PPARG: variants seen among roughly 807,000 people sequenced by gnomAD.
PPARG encodes peroxisome proliferator activated receptor gamma.
In PPARG, 17 loss-of-function variants were observed where a neutral mutation model predicts 39.2. The ratio of observed to expected loss-of-function variants is 0.43; its 90% confidence interval spans 0.30 to 0.65. PPARG has a LOEUF of 0.65. PPARG is among the 30% of genes least tolerant of loss of function. The probability of loss-of-function intolerance (pLI) is 0.13; values close to 1 mark genes in which losing one functional copy is unlikely to be tolerated. For synonymous variants in PPARG, 223 were observed against 215.7 expected (o/e 1.03, Z -0.30); for missense variants, 406 against 585.9 (o/e 0.69, Z 3.17).
chr3:12,327,280 G>A (rs143109781), intron 2 of PPARG, among the ~76,000 whole-genome samples: 1 of 152,158 alleles, frequency 6.6e-6, no homozygotes, highest in Non-Finnish European at 1.5e-5. Context: ...TCTTCTGGAC[G>A]TAGAGTTTTC....
chr3:12,372,124 G>A (rs1235933686), intron 2 of PPARG: 23 of 720,070 alleles, frequency 3.2e-5, no homozygotes, highest in Non-Finnish European at 4.9e-5. Context: ...ACGTACTCTT[G>A]TTGCCTAGCT....
At chr3:12,314,742 G>A (rs1338127906) in intron 2 of PPARG, among the ~76,000 whole-genome samples, 1 of 152,090 alleles carries the variant, frequency 6.6e-6, no homozygotes, top group Non-Finnish European at 1.5e-5. Flanking sequence ...AGCTGAAAAG[G>A]GACGTTAGTA....
At chr3:12,294,951 G>T (rs1361124767) in intron 1 of PPARG, among the ~76,000 whole-genome samples, 2 of 152,112 alleles carry the variant, frequency 1.3e-5, no homozygotes, top group Non-Finnish European at 2.9e-5. Context: ...AAAATAGTAT[G>T]GCAAGCCAGT....
At chr3:12,307,535 A>G (rs1176752933) in intron 1 of PPARG, among the ~76,000 whole-genome samples, 1 of 152,224 alleles carries the variant, frequency 6.6e-6, no homozygotes, top group Admixed American at 6.5e-5. Flanking sequence ...ACTAGTCAAG[A>G]AAAGCAGAAG....
intron 2 of PPARG, among the ~76,000 whole-genome samples, chr3:12,330,671 C>T (rs1236319478): frequency 1.3e-5 from 2 of 152,212 alleles, no homozygotes; most frequent in African/African-American, 4.8e-5. Context: ...GAATCTGTCT[C>T]TCTTCAACTG....
At chr3:12,292,377 A>G (rs1305765963) in intron 1 of PPARG, among the ~76,000 whole-genome samples, 1 of 152,164 alleles carries the variant, frequency 6.6e-6, no homozygotes, top group Non-Finnish European at 1.5e-5. Flanking sequence ...CTTAACGTAT[A>G]TTCCCCAGGA....
chr3:12,381,748 T>G (rs1272835822), intron 4 of PPARG, among the ~76,000 whole-genome samples: 1 of 152,042 alleles, frequency 6.6e-6, no homozygotes, highest in East Asian at 1.9e-4. Context: ...GGATAAAAGT[T>G]GGGCTGCTTT....
intron 1 of PPARG, among the ~76,000 whole-genome samples, chr3:12,291,689 T>C (rs1046974838): frequency 1.3e-5 from 2 of 152,240 alleles, no homozygotes; most frequent in African/African-American, 4.8e-5. Context: ...AATAATAGTA[T>C]ATGTTTAAAT....
chr3:12,375,731 T>A (rs931685685), intron 2 of PPARG, among the ~76,000 whole-genome samples: 1 of 152,156 alleles, frequency 6.6e-6, no homozygotes, highest in Admixed American at 6.5e-5. Flanking sequence ...GCACAGACTT[T>A]TTTCTGGATG....
At chr3:12,370,883 G>A (rs919272287) in intron 2 of PPARG, among the ~76,000 whole-genome samples, 1 of 152,212 alleles carries the variant, frequency 6.6e-6, no homozygotes, top group Non-Finnish European at 1.5e-5. Flanking sequence ...GCATTGGAAT[G>A]AGTAACCAAG....
At chr3:12,335,385 C>T (rs2047982281) in intron 2 of PPARG, among the ~76,000 whole-genome samples, 2 of 152,112 alleles carry the variant, frequency 1.3e-5, no homozygotes, top group Admixed American at 1.3e-4. Flanking sequence ...TATTTTACTG[C>T]CTTCATTGAA....
intron 2 of PPARG, among the ~76,000 whole-genome samples, chr3:12,370,080 G>C (rs1323324585): frequency 6.6e-6 from 1 of 152,168 alleles, no homozygotes; most frequent in Non-Finnish European, 1.5e-5. Flanking sequence ...CTCTGGGAAA[G>C]AGTACGTGGG....
chr3:12,364,614 A>G (rs977278357), intron 2 of PPARG, among the ~76,000 whole-genome samples: 3 of 152,226 alleles, frequency 2.0e-5, no homozygotes, highest in Non-Finnish European at 4.4e-5. Context: ...GTTTAGTTTT[A>G]TAAGAAATGG....
At chr3:12,354,872 G>A (rs1466193422) in intron 2 of PPARG, among the ~76,000 whole-genome samples, 2 of 152,100 alleles carry the variant, frequency 1.3e-5, no homozygotes, top group Admixed American at 6.5e-5. Flanking sequence ...TGAATGAAGC[G>A]GGGCATCCGC....
intron 1 of PPARG, among the ~76,000 whole-genome samples, chr3:12,304,903 A>C (rs1209269467): frequency 6.6e-6 from 1 of 152,210 alleles, no homozygotes; most frequent in Non-Finnish European, 1.5e-5. Flanking sequence ...TTAACAACTA[A>C]TGACGACTCT....
intron 7 of PPARG, among the ~76,000 whole-genome samples, chr3:12,433,537 C>CAAAAA (rs11451254): frequency 6.1e-5 from 6 of 98,782 alleles, no homozygotes; most frequent in Admixed American, 2.1e-4. Flanking sequence ...GACTCCATCT[C>CAAAAA]AAAAAAAAAA....
At chr3:12,421,287 G>A (rs529295550) in intron 7 of PPARG, among the ~76,000 whole-genome samples, 9 of 152,292 alleles carry the variant, frequency 5.9e-5, no homozygotes, top group East Asian at 1.9e-4. Context: ...CAGGAACAGC[G>A]CTTCCTTGGT....
intron 2 of PPARG, among the ~76,000 whole-genome samples, chr3:12,314,604 T>A (rs898819470): frequency 6.6e-6 from 1 of 152,126 alleles, no homozygotes; most frequent in African/African-American, 2.4e-5. Flanking sequence ...CTTCAAAATA[T>A]CTGACCCTCG....
intron 2 of PPARG, among the ~76,000 whole-genome samples, chr3:12,317,347 A>G (rs2047417526): frequency 6.6e-6 from 1 of 152,220 alleles, no homozygotes; most frequent in Non-Finnish European, 1.5e-5. Context: ...TTTTAAAATA[A>G]AAAGATCACA....
Sources: gnomAD v4.1 joint callset for allele counts (sites outside exome capture counted in the v4.1 genomes callset) on GRCh38, gnomAD v4.1.1 for gene constraint, MANE v1.5 for transcripts, NCBI Gene and HGNC (gene_info 2026-07-23, HGNC 2026-07-21) for gene names.